ST7: variants seen among roughly 807,000 people sequenced by gnomAD.
ST7 encodes suppressor of tumorigenicity 7 protein.
ST7 carries 28 observed loss-of-function variants against 78.7 expected under a neutral mutation model. The observed-to-expected ratio is 0.36, with a 90% CI of 0.26 to 0.49. The LOEUF (loss-of-function observed/expected upper bound fraction) is 0.49, where lower values mean the gene tolerates loss of function less well. Ranked by LOEUF, ST7 falls within the 20% of genes least tolerant of loss-of-function variation. The pLI is 0.99. For missense variants in ST7, 418 were observed against 696.0 expected (o/e 0.60, Z 4.49); for synonymous variants, 247 against 249.6 (o/e 0.99, Z 0.10).
Position 117,167,053 on chromosome 7 carries a change from C to CT in ST7, c.964-3797dup, listed in dbSNP as rs763690509. 4.6e-3 allele frequency among the ~76,000 whole-genome samples: 660 copies of CT among 143,474 alleles called. 2 individuals carry two copies. Among genetic ancestry groups the CT allele is most frequent in the Middle Eastern group, 0.015 (4 of 272 alleles). The allele number at this position is 143,474 out of a possible 152,430, so 94.1% of individuals were successfully genotyped here. On this transcript the variant is annotated intron_variant, in intron 9 of 15. Coordinates refer to ENST00000323984, the MANE Select transcript of ST7 (RefSeq NM_001369598.1). ...GAGAAAAGAGGAGATGGTAATGATTCTTTTTTTTTTTTACTTTGTTTTTTT... is the reference window on the plus strand; with the variant it reads ...GAGAAAAGAGGAGATGGTAATGATTCTTTTTTTTTTTTTACTTTGTTTTTTT...
At chr7:117,160,169 G>C (rs984348677) in intron 9 of ST7, among the ~76,000 whole-genome samples, 2 of 150,098 alleles carry the variant, frequency 1.3e-5, no homozygotes, top group African/African-American at 4.9e-5. Flanking sequence ...GGAGGCGGAG[G>C]TTGCAGTGAG....
At chr7:117,020,431 G>C (rs1425282813) in intron 1 of ST7, 3 of 662,358 alleles carry the variant, frequency 4.5e-6, no homozygotes, top group Non-Finnish European at 4.8e-6. Context: ...ACTGAAGCTC[G>C]TAACAGGAGA....
intron 10 of ST7, chr7:117,184,027 T>C (rs959300279): frequency 6.6e-6 from 1 of 152,206 alleles, no homozygotes; most frequent in Admixed American, 6.5e-5. Context: ...CTGATTCCAT[T>C]TGTGTGAAGT....
rs558363521 is a variant in ST7, at chr7:117,075,727, T to C, written c.152-24035T>C. Among the ~76,000 whole-genome samples, 93 of 152,350 alleles carry C rather than the reference T, an allele frequency of 6.1e-4. 1 individual carries two copies. Among genetic ancestry groups the C allele is most frequent in the African/African-American group, 2.0e-3 (84 of 41,578 alleles). ...CAGTTGCTTCGTAAATTGCAGGGGA[T>C]TCCCATAAGTCAATAATTTATCCTG... is the stretch of plus-strand genomic sequence containing the variant. On this transcript the variant is annotated intron_variant, in intron 1 of 15. Coordinates refer to ENST00000323984, the MANE Select transcript of ST7 (RefSeq NM_001369598.1).
In ST7 at chr7:117,136,082, T is replaced by C. The variant is rs888021508; in HGVS notation, c.712T>C (p.Cys238Arg). 6.2e-7 allele frequency: 1 copy of C among 1,613,198 alleles called. No homozygotes were observed. Residue 238 changes from cysteine (C) to arginine (R), a missense_variant and splice_region_variant, in exon 8 of 16, where the codon TGT becomes CGT. Physicochemically the swap from Cys to Arg is radical, Grantham distance 180. Transcript: ENST00000323984. ...GGTGGCTATTATCTGAATGAACAGG[T>C]GTGCAACTGCTTATATTCTCTTGGC... Reference protein sequence around the residue: ...TIWEIKLLPKCATAYILLAEE... With the variant: ...TIWEIKLLPKRATAYILLAEE...
intron 1 of ST7, among the ~76,000 whole-genome samples, chr7:117,001,878 C>A (rs1794946231): frequency 6.6e-6 from 1 of 152,108 alleles, no homozygotes; most frequent in African/African-American, 2.4e-5. Context: ...AATAAAAGTA[C>A]ATGGGAAAGT....
chr7:117,153,962 A>G (rs975307643), intron 9 of ST7, among the ~76,000 whole-genome samples: 4 of 152,156 alleles, frequency 2.6e-5, no homozygotes, highest in African/African-American at 7.2e-5. Context: ...GGAGAAATTA[A>G]ACATGCATAT....
chr7:117,029,014 G>A (rs948707459), intron 1 of ST7, among the ~76,000 whole-genome samples: 6 of 152,116 alleles, frequency 3.9e-5, no homozygotes, highest in Non-Finnish European at 1.5e-5. Flanking sequence ...AAATCTTACC[G>A]ATAACATGGA....
intron 2 of ST7, among the ~76,000 whole-genome samples, chr7:117,114,883 C>T (rs1802733646): frequency 6.6e-6 from 1 of 152,134 alleles, no homozygotes; most frequent in African/African-American, 2.4e-5. Flanking sequence ...TTGTTCCCTG[C>T]AGGTAAATAT....
intron 1 of ST7, among the ~76,000 whole-genome samples, chr7:117,033,061 C>A (rs1584491511): frequency 2.0e-5 from 3 of 152,188 alleles, no homozygotes; most frequent in South Asian, 4.1e-4. Flanking sequence ...ATAATATTAA[C>A]CTCATGGGAT....
intron 1 of ST7, among the ~76,000 whole-genome samples, chr7:117,049,940 TCAA>T (rs1797685956): frequency 6.6e-6 from 1 of 151,850 alleles, no homozygotes; most frequent in Non-Finnish European, 1.5e-5. Flanking sequence ...GCCTGGTGGC[TCAA>T]CGCCTGTAAT....
chr7:117,058,636 T>C (rs1798188982), intron 1 of ST7, among the ~76,000 whole-genome samples: 1 of 152,164 alleles, frequency 6.6e-6, no homozygotes, highest in Non-Finnish European at 1.5e-5. Context: ...TTATGAGAAG[T>C]CACAATGTAG....
chr7:117,154,026 A>G (rs1329914167), intron 9 of ST7, among the ~76,000 whole-genome samples: 1 of 152,088 alleles, frequency 6.6e-6, no homozygotes, highest in Non-Finnish European at 1.5e-5. Context: ...AGCGTGATGA[A>G]TTACAGAGCA....
intron 1 of ST7, among the ~76,000 whole-genome samples, chr7:116,977,878 C>T (rs960528121): frequency 2.6e-5 from 4 of 152,194 alleles, no homozygotes; most frequent in African/African-American, 9.6e-5. Flanking sequence ...TAAAGAAGCA[C>T]AGGCCATACC....
intron 1 of ST7, among the ~76,000 whole-genome samples, chr7:117,009,256 T>G (rs1795279936): frequency 7.4e-5 from 2 of 27,118 alleles, no homozygotes; most frequent in African/African-American, 3.0e-4. Context: ...ACTTTTTTTT[T>G]GTTTTTTTTT....
At chr7:117,018,556 G>C (rs1388026802) in intron 1 of ST7, among the ~76,000 whole-genome samples, 1 of 151,034 alleles carries the variant, frequency 6.6e-6, no homozygotes, top group Non-Finnish European at 1.5e-5. Flanking sequence ...ATATAATTTT[G>C]CTGATTATTT....
chr7:117,151,179 A>G (rs773228997), intron 9 of ST7, among the ~76,000 whole-genome samples: 3 of 152,202 alleles, frequency 2.0e-5, no homozygotes, highest in East Asian at 1.9e-4. Context: ...TCAGATCAGC[A>G]TTTGTCACTT....
intron 1 of ST7, among the ~76,000 whole-genome samples, chr7:116,992,281 C>T (rs1794466329): frequency 6.6e-6 from 1 of 152,230 alleles, no homozygotes; most frequent in South Asian, 2.1e-4. Context: ...CAGAGGTTCT[C>T]CATGAGAGCC....
chr7:117,106,616 C>CTTTTTTTTTTT (rs758855564), intron 2 of ST7, among the ~76,000 whole-genome samples: 2 of 107,722 alleles, frequency 1.9e-5, no homozygotes, highest in Admixed American at 9.9e-5. Context: ...TTGTATCATT[C>CTTTTTTTTTTT]TTTTTTTTTT....
Sources: allele counts gnomAD v4.1 joint callset (sites outside exome capture counted in the v4.1 genomes callset), GRCh38; gene constraint gnomAD v4.1.1; transcripts MANE v1.5; gene names NCBI Gene and HGNC (gene_info 2026-07-23, HGNC 2026-07-21).